Variants in ARHGAP15 observed in about 807,000 individuals in gnomAD.
ARHGAP15 encodes the protein Rho GTPase activating protein 15.
In ARHGAP15, 51 loss-of-function variants were observed where a neutral mutation model predicts 63.7. The ratio of observed to expected loss-of-function variants is 0.80; its 90% CI spans 0.64 to 1.01. The LOEUF is 1.01. Among genes scored for constraint, ARHGAP15 ranks in the 50% least tolerant of loss-of-function variants. The pLI is 0.00. For missense variants in ARHGAP15, 560 were observed against 564.6 expected (o/e 0.99, Z 0.08); for synonymous variants, 191 against 193.8 (o/e 0.99, Z 0.12).
At chr2:143,130,082 T>A (rs1688860057) in intron 1 of ARHGAP15, among the ~76,000 whole-genome samples, 1 of 152,090 alleles carries the variant, frequency 6.6e-6, no homozygotes. Flanking sequence ...TTCTAATTCA[T>A]AAGCAAACTT....
rs77617554 is a variant in ARHGAP15, at chr2:143,457,186, A to G, written c.703+20144A>G. ...TAACAGATTCTGTTCAGAAATCTGC[A>G]TATGTACAAATGAGCACCAGAATAT... On this transcript the variant is annotated intron_variant, in intron 8 of 13. Coordinates refer to ENST00000295095, the MANE Select transcript of ARHGAP15 (RefSeq NM_018460.4). Among the ~76,000 whole-genome samples the G allele has an allele frequency of 9.8e-3, 1,487 of 152,216 alleles. 26 individuals are homozygous for G. Among genetic ancestry groups the G allele is most frequent in the African/African-American group, 0.034 (1,417 of 41,544 alleles).
At chr2:143,200,094 G>A (rs1033827529) in intron 2 of ARHGAP15, among the ~76,000 whole-genome samples, 1 of 152,072 alleles carries the variant, frequency 6.6e-6, no homozygotes, top group African/African-American at 2.4e-5. Context: ...AACAATAATT[G>A]AATCCTGCTG....
chr2:143,610,625 G>A (rs1009324267), intron 11 of ARHGAP15, among the ~76,000 whole-genome samples: 8 of 152,138 alleles, frequency 5.3e-5, no homozygotes, highest in African/African-American at 9.7e-5. Context: ...TAAAATGTAC[G>A]GCATTGTAAT....
chr2:143,477,110 A>G (rs927132851), intron 8 of ARHGAP15, among the ~76,000 whole-genome samples: 14 of 152,158 alleles, frequency 9.2e-5, no homozygotes, highest in Non-Finnish European at 1.5e-4. Flanking sequence ...GGCAGAAATT[A>G]ATCACAGGTA....
At chr2:143,478,966 G>A (rs1307906849) in intron 8 of ARHGAP15, among the ~76,000 whole-genome samples, 1 of 152,114 alleles carries the variant, frequency 6.6e-6, no homozygotes, top group Non-Finnish European at 1.5e-5. Flanking sequence ...CACAGTCCAG[G>A]AATTTAGAGA....
chr2:143,728,731 G>A (rs778502321), intron 13 of ARHGAP15, among the ~76,000 whole-genome samples: 27 of 152,138 alleles, frequency 1.8e-4, no homozygotes, highest in African/African-American at 6.5e-4. Flanking sequence ...GTGCCCGACC[G>A]AGCCCCACCC....
intron 9 of ARHGAP15, among the ~76,000 whole-genome samples, chr2:143,503,046 G>C (rs1693142010): frequency 6.6e-6 from 1 of 152,244 alleles, no homozygotes; most frequent in African/African-American, 2.4e-5. Flanking sequence ...CTGCATGCTA[G>C]TAGTGGTCTA....
intron 6 of ARHGAP15, chr2:143,435,278 G>C (rs1180974649): frequency 9.9e-7 from 1 of 1,008,578 alleles, no homozygotes; most frequent in African/African-American, 1.7e-5. Context: ...TTTTCTGCGG[G>C]TTCTGACTTA....
chr2:143,534,570 A>T (rs1413802604), intron 10 of ARHGAP15, among the ~76,000 whole-genome samples: 92 of 152,118 alleles, frequency 6.0e-4, no homozygotes, highest in Non-Finnish European at 1.0e-4. Context: ...ACGACATTTC[A>T]ATCTATAGAA....
intron 13 of ARHGAP15, among the ~76,000 whole-genome samples, chr2:143,729,950 T>C (rs940879060): frequency 1.3e-5 from 2 of 152,170 alleles, no homozygotes; most frequent in African/African-American, 4.8e-5. Context: ...GTATGTGTTC[T>C]AGAAAGTGGG....
intron 12 of ARHGAP15, among the ~76,000 whole-genome samples, chr2:143,635,463 T>C (rs1207200749): frequency 6.6e-6 from 1 of 152,112 alleles, no homozygotes; most frequent in East Asian, 1.9e-4. Flanking sequence ...TTGTCCTTTC[T>C]CCAGCCCTCC....
chr2:143,375,714 G>C (rs952019957), intron 6 of ARHGAP15, among the ~76,000 whole-genome samples: 1 of 152,178 alleles, frequency 6.6e-6, no homozygotes, highest in South Asian at 2.1e-4. Context: ...AAGATAAAGA[G>C]AGCAAACCCA....
At chr2:143,740,370 C>A (rs1685916288) in intron 13 of ARHGAP15, among the ~76,000 whole-genome samples, 1 of 152,188 alleles carries the variant, frequency 6.6e-6, no homozygotes, top group Non-Finnish European at 1.5e-5. Flanking sequence ...TACCTCTTGA[C>A]TTTCTGTGAC....
At chr2:143,465,775 C>T (rs1001301953) in intron 8 of ARHGAP15, among the ~76,000 whole-genome samples, 3 of 151,772 alleles carry the variant, frequency 2.0e-5, no homozygotes, top group Admixed American at 6.6e-5. Flanking sequence ...CTAAAGTTTA[C>T]CTTCTGTTAT....
intron 1 of ARHGAP15, among the ~76,000 whole-genome samples, chr2:143,141,617 C>T (rs1307056356): frequency 3.9e-5 from 6 of 152,066 alleles, no homozygotes; most frequent in East Asian, 3.9e-4. Flanking sequence ...ATATCCTACT[C>T]GTTGTAACTA....
intron 13 of ARHGAP15, among the ~76,000 whole-genome samples, chr2:143,713,034 CTTCA>C (rs966462581): frequency 1.7e-4 from 26 of 152,284 alleles, no homozygotes; most frequent in African/African-American, 5.5e-4. Context: ...AATCGCGTTA[CTTCA>C]TTGAACAAGA....
intron 6 of ARHGAP15, among the ~76,000 whole-genome samples, chr2:143,260,050 A>G (rs1680642108): frequency 1.3e-5 from 2 of 152,142 alleles, no homozygotes; most frequent in Non-Finnish European, 1.5e-5. Context: ...ATAATTTAGA[A>G]TGTCAAAAAA....
chr2:143,525,513 G>A (rs1014850039), intron 10 of ARHGAP15, among the ~76,000 whole-genome samples: 14 of 151,716 alleles, frequency 9.2e-5, no homozygotes, highest in African/African-American at 3.4e-4. Flanking sequence ...GCATCTGCAT[G>A]CATTTACAAT....
chr2:143,207,008 TA>T (rs1011259497), intron 3 of ARHGAP15, among the ~76,000 whole-genome samples: 65 of 151,498 alleles, frequency 4.3e-4, no homozygotes, highest in African/African-American at 1.4e-3. Flanking sequence ...GTTTTTTACA[TA>T]AAAAATTATA....
Sources: gnomAD v4.1 joint callset for allele counts (sites outside exome capture counted in the v4.1 genomes callset) on GRCh38, gnomAD v4.1.1 for gene constraint, MANE v1.5 for transcripts, NCBI Gene and HGNC (gene_info 2026-07-23, HGNC 2026-07-21) for gene names.